Variants in OR10H1 observed in about 807,000 individuals in gnomAD.
The protein encoded by OR10H1 is olfactory receptor family 10 subfamily H member 1.
Under a neutral mutation model 13.1 loss-of-function variants are expected in OR10H1, and 12 were observed. The observed-to-expected ratio is 0.92, with a 90% CI of 0.59 to 1.48. OR10H1 has a LOEUF of 1.48. OR10H1 is among the 40% of genes most tolerant of loss of function. OR10H1 has a pLI of 0.00. For synonymous variants in OR10H1, 168 were observed against 175.6 expected (o/e 0.96, Z 0.34); for missense variants, 363 against 413.1 (o/e 0.88, Z 1.05).
chr19:15,806,846 C>G lies in OR10H1; in HGVS notation c.*235G>C. The stretch of plus-strand genomic sequence containing the variant: ...GGGTCAAGCGATTCTTATGCCTCAG[C>G]CTCCCAAGTAGCTAGGGTTACAGGC... On this transcript the variant is annotated 3_prime_UTR_variant, in exon 4 of 4. Transcript: ENST00000641419. 1 of 472,308 alleles carries G rather than the reference C, an allele frequency of 2.1e-6. No homozygotes were observed. Among genetic ancestry groups the G allele is most frequent in the South Asian group, 2.4e-5 (1 of 42,358 alleles). 29.3% of individuals were successfully genotyped at this position (472,308 alleles called of 1,614,324 possible).
intron 2 of OR10H1, among the ~76,000 whole-genome samples, chr19:15,811,808 C>T (rs965776265): frequency 2.6e-5 from 4 of 152,164 alleles, no homozygotes; most frequent in Admixed American, 6.5e-5. Flanking sequence ...CGCTCTGTGC[C>T]TCCTACAAGT....
chr19:15,813,167 A>G (rs2088944137), intron 1 of OR10H1, among the ~76,000 whole-genome samples: 2 of 151,324 alleles, frequency 1.3e-5, no homozygotes, highest in Admixed American at 6.6e-5. Flanking sequence ...AAAAAATCCC[A>G]GTTGCTAATT....
In OR10H1 at chr19:15,808,715, T is replaced by TG. The variant is rs1171331019; in HGVS notation, c.-12+9dup. The TG allele has an allele frequency of 6.6e-6, 1 of 152,114 alleles. No individual in the cohort carries two copies. The highest frequency in any genetic ancestry group is 1.9e-4 in the East Asian group (1 of 5,190). The allele number at this position is 152,114 out of a possible 1,614,324, so 9.4% of individuals were successfully genotyped here. On this transcript the variant is annotated intron_variant, in intron 3 of 3. Transcript: ENST00000641419. ...AAATATAAAAATTAGTCGGGCATGG[T>TG]GGCACGCACCTGTAGTCCCAGCTCT...
At position 15,811,144 on chromosome 19, in the gene OR10H1, A is replaced by G. The variant is rs2088930631; in HGVS notation, c.-129+1086T>C. On this transcript the variant is annotated intron_variant, in intron 2 of 3. Transcript: ENST00000641419. ...TTTCTTGGTCTCTCTTCCTGGAATC[A>G]CTCTCGTTTTGCCCCACTTCTGGGT... 3.3e-5 allele frequency among the ~76,000 whole-genome samples: 5 copies of G among 151,784 alleles called. No homozygotes were observed. The South Asian group carries it at 1.0e-3, about 32-fold the overall frequency.
Position 15,807,060 on chromosome 19 carries a change from G to GT in OR10H1, c.*20dup. 2.5e-6 allele frequency: 4 copies of GT among 1,593,618 alleles called. No individual in the cohort carries two copies. Among genetic ancestry groups the GT allele is most frequent in the Non-Finnish European group, 3.4e-6 (4 of 1,165,760 alleles). The stretch of plus-strand genomic sequence containing the variant: ...CAATAGCCTTCGGTAATCCAATTTA[G>GT]TTGTTCCCAGTGAATTTCTCCTACA... On this transcript the variant is annotated 3_prime_UTR_variant, in exon 4 of 4. Transcript: ENST00000641419.
At chr19:15,813,377 C>A (rs188365857) in intron 1 of OR10H1, among the ~76,000 whole-genome samples, 4 of 151,950 alleles carry the variant, frequency 2.6e-5, no homozygotes, top group African/African-American at 4.8e-5. Flanking sequence ...CATTGATTCA[C>A]CAGCAGAACA....
intron 1 of OR10H1, among the ~76,000 whole-genome samples, chr19:15,813,477 AG>A (rs2088946028): frequency 1.9e-4 from 1 of 5,182 alleles, no homozygotes; most frequent in Non-Finnish European, 3.6e-4. Context: ...GCAGGGGAAG[AG>A]AGAGAGAGAG....
Position 15,807,153 on chromosome 19 carries a change from G to T in OR10H1, c.885C>A (p.Asn295Lys). 1 of 1,614,152 alleles carries T rather than the reference G, an allele frequency of 6.2e-7. No individual in the cohort carries two copies. Among genetic ancestry groups the T allele is most frequent in the Non-Finnish European group, 8.5e-7 (1 of 1,180,032 alleles). The change falls in exon 4 of 4, where the codon AAC becomes AAA. Residue 295 changes from asparagine to lysine, a missense_variant. Asn to Lys is a moderately conservative substitution (Grantham distance 94). This residue lies in a region of OR10H1 where 42 missense variants were observed against 30.3 expected (regional missense o/e 1.39). Transcript: ENST00000641419. ...TCTTCATGGCGACCTTCAGCTCCTT[G>T]TTCCTGAGGCTGAAGATGATGGGGC... ...FLSPIIFSLR[N>K]KELKVAMKKT...
intron 1 of OR10H1, among the ~76,000 whole-genome samples, chr19:15,813,748 A>C: frequency 6.8e-6 from 1 of 146,822 alleles, no homozygotes; most frequent in African/African-American, 2.5e-5. Flanking sequence ...GGAGAGAGAC[A>C]CAGAGAGTGT....
chr19:15,813,173 T>A (rs2088944202), intron 1 of OR10H1, among the ~76,000 whole-genome samples: 1 of 152,048 alleles, frequency 6.6e-6, no homozygotes, highest in East Asian at 1.9e-4. Context: ...TCCCAGTTGC[T>A]AATTATAGGG....
chr19:15,809,421 G>C (rs1462835749), intron 2 of OR10H1, among the ~76,000 whole-genome samples: 5 of 151,970 alleles, frequency 3.3e-5, no homozygotes, highest in African/African-American at 9.7e-5. Flanking sequence ...CTCCCAAGTA[G>C]CTGGGACTAC....
Position 15,808,112 on chromosome 19 carries a change from A to C in OR10H1, c.-11-64T>G, listed in dbSNP as rs552427126. The C allele has an allele frequency of 4.3e-6, 6 of 1,387,232 alleles. No homozygotes were observed. The Admixed American group carries it at 1.1e-4, about 26-fold the overall frequency. The allele number at this position is 1,387,232 out of a possible 1,614,324, so 85.9% of individuals were successfully genotyped here. ...TGAAGAAAAGTTCTCAGCCTTCCCC[A>C]TACCTGGATTTGCCCAAGGGACTGC... On this transcript the variant is annotated intron_variant, in intron 3 of 3. Coordinates refer to ENST00000641419, the MANE Select transcript of OR10H1 (RefSeq NM_013940.4).
chr19:15,805,560 G>C lies in OR10H1; in HGVS notation c.*1521C>G, dbSNP rs907243740. On this transcript the variant is annotated 3_prime_UTR_variant, in exon 4 of 4. Transcript: ENST00000641419. Reference sequence around the variant, plus strand: ...CCTCCATGGTTCAAGCTATTCTCCTGTCTCAGCCTCCTGAGTAGCTGGGAT... The same window carrying C: ...CCTCCATGGTTCAAGCTATTCTCCTCTCTCAGCCTCCTGAGTAGCTGGGAT... The C allele has an allele frequency of 9.6e-5, 14 of 145,304 alleles. No homozygotes were observed. The highest frequency in any genetic ancestry group is 3.6e-4 in the African/African-American group (14 of 39,168). 9.0% of individuals were successfully genotyped at this position (145,304 alleles called of 1,614,324 possible).
chr19:15,811,700 G>A (rs1238758927), intron 2 of OR10H1, among the ~76,000 whole-genome samples: 16 of 152,020 alleles, frequency 1.1e-4, no homozygotes. Flanking sequence ...CAGTCCTCCT[G>A]GATATTTCTT....
intron 1 of OR10H1, among the ~76,000 whole-genome samples, chr19:15,813,674 G>C (rs1599314735): frequency 6.8e-6 from 1 of 146,044 alleles, no homozygotes; most frequent in East Asian, 2.1e-4. Flanking sequence ...AGTGGGAGGT[G>C]GGGGGAGAGA....
At chr19:15,812,202 T>A (rs1460959039) in intron 2 of OR10H1, 28 bp downstream of exon 2, 1 of 152,180 alleles carries the variant, frequency 6.6e-6, no homozygotes, top group Non-Finnish European at 1.5e-5. Flanking sequence ...TCAAAGCCTG[T>A]CTTTTCCTAA....
chr19:15,813,845 G>T (rs2088948823), intron 1 of OR10H1, among the ~76,000 whole-genome samples: 1 of 151,164 alleles, frequency 6.6e-6, no homozygotes, highest in African/African-American at 2.4e-5. Context: ...GAGAGAGGGA[G>T]GTGGGAAGAG....
intron 1 of OR10H1, among the ~76,000 whole-genome samples, chr19:15,813,787 A>AAG (rs1342057693): frequency 7.8e-6 from 1 of 128,868 alleles, no homozygotes; most frequent in Non-Finnish European, 1.7e-5. Flanking sequence ...GGGTTGGGGA[A>AAG]AGAGAGAGAG....
intron 2 of OR10H1, among the ~76,000 whole-genome samples, chr19:15,811,501 A>T (rs1400107217): frequency 6.6e-6 from 1 of 151,968 alleles, no homozygotes; most frequent in African/African-American, 2.4e-5. Context: ...ACAACCAAAA[A>T]ATGTCTCCAG....
Sources: allele counts gnomAD v4.1 joint callset (sites outside exome capture counted in the v4.1 genomes callset), GRCh38; gene constraint gnomAD v4.1.1; regional missense constraint gnomAD v4.1.1; transcripts MANE v1.5; gene names NCBI Gene and HGNC (gene_info 2026-07-23, HGNC 2026-07-21).